The following TOX variants were observed in gnomAD, a reference collection of about 807,000 sequenced individuals.
TOX encodes the protein thymocyte selection associated high mobility group box.
TOX carries 11 observed loss-of-function variants against 53.7 expected under a neutral mutation model. That is an observed-to-expected ratio of 0.20 (90% CI 0.13 to 0.34). The LOEUF (loss-of-function observed/expected upper bound fraction) is 0.34, where lower values mean the gene tolerates loss of function less well. Among genes scored for constraint, TOX ranks in the 10% least tolerant of loss-of-function variants. The pLI is 1.00. For synonymous variants in TOX, 225 were observed against 245.3 expected, an observed-to-expected ratio of 0.92 and a Z score of 0.77; for missense variants, 570 against 664.6, an observed-to-expected ratio of 0.86 and a Z score of 1.56.
rs1237262826 is a variant in TOX at position 58,879,039 on chromosome 8, C to T, written c.412-27234G>A. ...TCATGCCACTGCACTCCAGCCTAGG[C>T]GACAAAGCAAGACTTCATCTCAAAA... On this transcript the variant is annotated intron_variant, in intron 3 of 8. Transcript: ENST00000361421. Among the ~76,000 whole-genome samples, 5 of 136,376 alleles carry T rather than the reference C, an allele frequency of 3.7e-5. No individual in the cohort carries two copies. The South Asian group carries it at 1.1e-3, about 31-fold the overall frequency. The allele number at this position is 136,376 out of a possible 152,430, so 89.5% of individuals were successfully genotyped here.
At chr8:58,971,261 T>C (rs1460436664) in intron 1 of TOX, among the ~76,000 whole-genome samples, 1 of 152,244 alleles carries the variant, frequency 6.6e-6, no homozygotes, top group Non-Finnish European at 1.5e-5. Context: ...ACACTGCCGT[T>C]CTTTCCTTCC....
chr8:58,996,902 A>G (rs1813570040), intron 1 of TOX, among the ~76,000 whole-genome samples: 1 of 152,164 alleles, frequency 6.6e-6, no homozygotes, highest in Non-Finnish European at 1.5e-5. Context: ...TTGCCAAGAC[A>G]GTCCCCATTT....
chr8:58,960,889 A>C (rs1241893173), intron 1 of TOX, among the ~76,000 whole-genome samples: 6 of 152,318 alleles, frequency 3.9e-5, no homozygotes, highest in Admixed American at 6.5e-5. Flanking sequence ...TTTTAGTTAG[A>C]GGAAGAATTT....
chr8:58,880,791 A>T (rs1811370847), intron 3 of TOX, among the ~76,000 whole-genome samples: 1 of 152,228 alleles, frequency 6.6e-6, no homozygotes, highest in African/African-American at 2.4e-5. Context: ...ATGGCTTAAC[A>T]TCGCATTACT....
At chr8:59,099,536 A>G (rs1391436865) in intron 1 of TOX, among the ~76,000 whole-genome samples, 3 of 152,226 alleles carry the variant, frequency 2.0e-5, no homozygotes, top group Non-Finnish European at 2.9e-5. Context: ...TATGCAATCA[A>G]TTATCTGGAA....
intron 1 of TOX, among the ~76,000 whole-genome samples, chr8:59,000,190 A>T (rs1585954292): frequency 6.6e-6 from 1 of 152,246 alleles, no homozygotes; most frequent in African/African-American, 2.4e-5. Context: ...AAAAGAATAG[A>T]TGTGTATATT....
chr8:58,818,442 G>A (rs1456819070), intron 6 of TOX, among the ~76,000 whole-genome samples: 7 of 152,100 alleles, frequency 4.6e-5, no homozygotes, highest in Non-Finnish European at 7.4e-5. Context: ...GTGCCTGAAC[G>A]TGGCAGGTGC....
intron 3 of TOX, among the ~76,000 whole-genome samples, chr8:58,906,298 A>G (rs1320347468): frequency 6.6e-6 from 1 of 152,210 alleles, no homozygotes; most frequent in Non-Finnish European, 1.5e-5. Flanking sequence ...AATATCATTT[A>G]TCAAAGTAAG....
intron 1 of TOX, among the ~76,000 whole-genome samples, chr8:59,052,141 A>G (rs1322058874): frequency 6.6e-6 from 1 of 152,198 alleles, no homozygotes; most frequent in African/African-American, 2.4e-5. Context: ...TCTCTTACCT[A>G]CTTTTATACA....
chr8:59,009,310 C>T (rs1486430216), intron 1 of TOX, among the ~76,000 whole-genome samples: 1 of 151,082 alleles, frequency 6.6e-6, no homozygotes, highest in Non-Finnish European at 1.5e-5. Flanking sequence ...TCCTCTCTTT[C>T]CTTCTTTCCT....
At chr8:59,056,204 T>A (rs973893137) in intron 1 of TOX, among the ~76,000 whole-genome samples, 7 of 151,836 alleles carry the variant, frequency 4.6e-5, no homozygotes, top group Non-Finnish European at 1.0e-4. Flanking sequence ...GGTGGGAGAA[T>A]TGCTTGAGCC....
intron 1 of TOX, among the ~76,000 whole-genome samples, chr8:59,072,935 T>TAACA (rs1356744270): frequency 6.6e-6 from 1 of 152,222 alleles, no homozygotes; most frequent in Non-Finnish European, 1.5e-5. Context: ...CTTGTACTTT[T>TAACA]AACACTTGCT....
chr8:58,993,522 G>T (rs1184985818), intron 1 of TOX, among the ~76,000 whole-genome samples: 2 of 152,204 alleles, frequency 1.3e-5, no homozygotes, highest in Non-Finnish European at 2.9e-5. Context: ...AGGAACTGCA[G>T]AGATTTCTAT....
intron 1 of TOX, among the ~76,000 whole-genome samples, chr8:59,026,885 A>G (rs1475851879): frequency 1.5e-5 from 2 of 129,534 alleles, no homozygotes; most frequent in Non-Finnish European, 3.3e-5. Context: ...TTCTTTAAAG[A>G]GAAAGAGAGA....
chr8:59,038,373 CAGTT>C (rs750430993), intron 1 of TOX, among the ~76,000 whole-genome samples: 30 of 152,232 alleles, frequency 2.0e-4, no homozygotes, highest in Non-Finnish European at 4.0e-4. Context: ...AGCAGCAACA[CAGTT>C]AGGTTTGGTT....
rs992998163 is a variant in TOX, at chr8:59,001,762, G to T, written c.103-41754C>A. Among the ~76,000 whole-genome samples, 4 of 151,788 alleles carry T rather than the reference G, an allele frequency of 2.6e-5. No homozygotes were observed. The East Asian group carries it at 7.7e-4, about 29-fold the overall frequency. On this transcript the variant is annotated intron_variant, in intron 1 of 8. Coordinates refer to ENST00000361421, the MANE Select transcript of TOX (RefSeq NM_014729.3). The stretch of plus-strand genomic sequence containing the variant: ...TTCAAGAAGTAAGAAATAACTATAA[G>T]GTCAATCAGATGACAAAATGATAGT...
At chr8:58,913,167 G>GT (rs1811933877) in intron 3 of TOX, among the ~76,000 whole-genome samples, 2 of 152,112 alleles carry the variant, frequency 1.3e-5, no homozygotes, top group Non-Finnish European at 2.9e-5. Flanking sequence ...ATGTAATGAA[G>GT]TTGAAATATT....
chr8:59,047,880 AG>A (rs915965053), intron 1 of TOX, among the ~76,000 whole-genome samples: 4 of 152,226 alleles, frequency 2.6e-5, no homozygotes, highest in Admixed American at 2.0e-4. Context: ...TATGTCTAAC[AG>A]GAAAAAATTA....
intron 4 of TOX, among the ~76,000 whole-genome samples, chr8:58,839,884 T>C (rs1337588131): frequency 6.6e-6 from 1 of 152,248 alleles, no homozygotes; most frequent in African/African-American, 2.4e-5. Flanking sequence ...GGAACTCGCT[T>C]CATGCCTTCT....
Sources: allele counts gnomAD v4.1 joint callset (sites outside exome capture counted in the v4.1 genomes callset), GRCh38; gene constraint gnomAD v4.1.1; transcripts MANE v1.5; gene names NCBI Gene and HGNC (gene_info 2026-07-23, HGNC 2026-07-21).